MKNK1: variants seen among roughly 807,000 people sequenced by gnomAD.
MKNK1 encodes MAPK interacting serine/threonine kinase 1.
A neutral mutation model predicts 49.3 loss-of-function variants in MKNK1; 30 were observed. That is an observed-to-expected ratio of 0.61 (90% CI 0.46 to 0.83). The LOEUF is 0.83. MKNK1 is among the 40% of genes least tolerant of loss of function. The pLI is 0.00. For missense variants in MKNK1, 423 were observed against 524.7 expected (o/e 0.81, Z 1.89); for synonymous variants, 176 against 201.7 (o/e 0.87, Z 1.08).
Position 46,560,436 on chromosome 1 carries a change from A to G in MKNK1, c.970-159T>C, listed in dbSNP as rs185925562. Among the ~76,000 whole-genome samples, 498 of 152,330 alleles carry G rather than the reference A, an allele frequency of 3.3e-3. 5 individuals carry two copies. Among genetic ancestry groups the G allele is most frequent in the Admixed American group, 0.02 (305 of 15,308 alleles). On this transcript the variant is annotated intron_variant, in intron 11 of 12. Coordinates refer to ENST00000371945, the MANE Select transcript of MKNK1 (RefSeq NM_001135553.4). ...GGGTCAGGCCTTCCAAGCAGAGAGCAAGAAAGGTACAATCTGCAGCCGCAG... is the reference window on the plus strand; with the variant it reads ...GGGTCAGGCCTTCCAAGCAGAGAGCGAGAAAGGTACAATCTGCAGCCGCAG...
At chr1:46,582,771 C>A (rs931601150) in intron 3 of MKNK1, 3 of 427,636 alleles carry the variant, frequency 7.0e-6, no homozygotes, top group Non-Finnish European at 1.4e-5. Context: ...CAAACACACA[C>A]AGCATAAGTA....
chr1:46,560,100 G>A (rs1414939494), intron 12 of MKNK1, 134 bp downstream of exon 12: 2 of 943,438 alleles, frequency 2.1e-6, no homozygotes, highest in Non-Finnish European at 3.3e-6. Context: ...AAAAGAGAGT[G>A]AGGAGGGGAA....
chr1:46,597,275 T>C (rs1263297352), intron 1 of MKNK1, among the ~76,000 whole-genome samples: 2 of 147,290 alleles, frequency 1.4e-5, no homozygotes, highest in African/African-American at 2.5e-5. Flanking sequence ...GCTTAAGAAC[T>C]AGACCTTCTA....
intron 2 of MKNK1, among the ~76,000 whole-genome samples, chr1:46,591,219 C>G (rs1393481609): frequency 6.6e-6 from 1 of 152,160 alleles, no homozygotes; most frequent in African/African-American, 2.4e-5. Flanking sequence ...CTGTCCATAG[C>G]GATACTGCAA....
At chr1:46,596,183 A>C (rs867022656) in intron 1 of MKNK1, among the ~76,000 whole-genome samples, 1 of 152,260 alleles carries the variant, frequency 6.6e-6, no homozygotes, top group African/African-American at 2.4e-5. Flanking sequence ...TTTGTGTGTC[A>C]CATGATCTTT....
intron 7 of MKNK1, among the ~76,000 whole-genome samples, chr1:46,571,695 T>A (rs1004608416): frequency 6.6e-6 from 1 of 152,196 alleles, no homozygotes; most frequent in African/African-American, 2.4e-5. Context: ...ATATTCACAC[T>A]AAGAAGGTTG....
At chr1:46,583,397 GA>G (rs111325784) in intron 2 of MKNK1, 68 bp from the exon 3 acceptor site, 5,074 of 1,102,890 alleles carry the variant, frequency 4.6e-3, no homozygotes, top group South Asian at 7.3e-3. Context: ...TACCCAGAAG[GA>G]AAAAAAAAAG....
Position 46,585,930 on chromosome 1 carries a change from T to C in MKNK1, c.-2-2601A>G, listed in dbSNP as rs749806298. The C allele has an allele frequency of 5.9e-6, 8 of 1,365,814 alleles. No homozygotes were observed. The Middle Eastern group carries it at 8.4e-4, about 143-fold the overall frequency. 84.6% of individuals were successfully genotyped at this position (1,365,814 alleles called of 1,614,324 possible). A position where few individuals can be genotyped will look rare whatever the true frequency, so the allele number is the denominator to read the frequency against. ...AGGGTACGCCAGAAGGGACAAATGG[T>C]TAAGACTTTCCTTGGAAATGGAACT... is the stretch of plus-strand genomic sequence containing the variant. On this transcript the variant is annotated intron_variant, in intron 2 of 12. Coordinates refer to ENST00000371945, the MANE Select transcript of MKNK1 (RefSeq NM_001135553.4).
chr1:46,603,094 G>A (rs540378936), intron 1 of MKNK1, among the ~76,000 whole-genome samples: 1 of 152,272 alleles, frequency 6.6e-6, no homozygotes, highest in South Asian at 2.1e-4. Flanking sequence ...ATGGGCAGAG[G>A]GGGCACCAAA....
chr1:46,560,409 C>T, intron 11 of MKNK1, 132 bp from the exon 12 acceptor site: 2 of 926,184 alleles, frequency 2.2e-6, no homozygotes, highest in Non-Finnish European at 3.4e-6. Context: ...TGCTTGCTTG[C>T]AGGGTCAGGC....
chr1:46,567,363 T>C (rs1259134385), intron 8 of MKNK1, among the ~76,000 whole-genome samples: 3 of 152,222 alleles, frequency 2.0e-5, no homozygotes, highest in African/African-American at 7.2e-5. Context: ...GTTTCCTAAC[T>C]TGAGTTTCAG....
chr1:46,568,630 G>A (rs1229842745), intron 7 of MKNK1, 132 bp from the exon 8 acceptor site: 5 of 845,884 alleles, frequency 5.9e-6, no homozygotes, highest in South Asian at 3.2e-5. Context: ...AAAAATCAAC[G>A]AGCTGCAGGA....
intron 9 of MKNK1, among the ~76,000 whole-genome samples, chr1:46,564,357 T>C (rs1668624293): frequency 1.3e-5 from 2 of 151,388 alleles, no homozygotes; most frequent in Admixed American, 1.3e-4. Context: ...GCAGTGGGAA[T>C]AGGACTTACA....
At chr1:46,596,684 G>C (rs765709329) in intron 1 of MKNK1, among the ~76,000 whole-genome samples, 6 of 152,204 alleles carry the variant, frequency 3.9e-5, no homozygotes, top group East Asian at 1.9e-4. Flanking sequence ...CTAGATCACA[G>C]AGTTGTCATG....
intron 2 of MKNK1, among the ~76,000 whole-genome samples, chr1:46,590,925 C>A (rs1167867081): frequency 6.6e-6 from 1 of 152,248 alleles, no homozygotes; most frequent in Non-Finnish European, 1.5e-5. Context: ...CTTCATTTAT[C>A]AGAAGTTTCT....
intron 2 of MKNK1, 127 bp downstream of exon 2, chr1:46,593,986 C>T (rs1206533986): frequency 5.8e-6 from 4 of 695,250 alleles, no homozygotes; most frequent in Admixed American, 2.3e-5. Flanking sequence ...GGCAGCTCCG[C>T]TATTCCTAGC....
intron 11 of MKNK1, among the ~76,000 whole-genome samples, chr1:46,561,112 C>T (rs548206036): frequency 2.0e-5 from 3 of 152,338 alleles, no homozygotes; most frequent in South Asian, 2.1e-4. Context: ...CAACAATCAG[C>T]GCAGCACGGC....
intron 1 of MKNK1, among the ~76,000 whole-genome samples, chr1:46,596,898 T>C (rs2148768588): frequency 6.6e-6 from 1 of 152,304 alleles, no homozygotes; most frequent in South Asian, 2.1e-4. Context: ...AGAGAGAGAA[T>C]GTGGAGGTTT....
intron 2 of MKNK1, 144 bp downstream of exon 2, chr1:46,593,969 G>A (rs528515948): frequency 3.0e-5 from 19 of 625,744 alleles, no homozygotes; most frequent in Middle Eastern, 4.6e-4. Flanking sequence ...TATCTGAGTC[G>A]TACCAGGGCA....
Sources: gnomAD v4.1 joint callset for allele counts (sites outside exome capture counted in the v4.1 genomes callset) on GRCh38, gnomAD v4.1.1 for gene constraint, MANE v1.5 for transcripts, NCBI Gene and HGNC (gene_info 2026-07-23, HGNC 2026-07-21) for gene names.